SLC25A13: variants seen among roughly 807,000 people sequenced by gnomAD.
SLC25A13 encodes electrogenic aspartate/glutamate antiporter SLC25A13, mitochondrial.
A neutral mutation model predicts 85.5 loss-of-function variants in SLC25A13; 70 were observed. That is an observed-to-expected ratio of 0.82 (90% CI 0.68 to 1.00). The LOEUF (loss-of-function observed/expected upper bound fraction) is 1.00. Ranked by LOEUF, SLC25A13 falls within the 50% of genes least tolerant of loss-of-function variation. SLC25A13 has a pLI of 0.00. For missense variants in SLC25A13, 765 were observed against 819.8 expected (o/e 0.93, Z 0.82); for synonymous variants, 259 against 288.7 (o/e 0.90, Z 1.04).
intron 2 of SLC25A13, among the ~76,000 whole-genome samples, chr7:96,285,887 C>T (rs1454231852): frequency 6.6e-6 from 1 of 152,168 alleles, no homozygotes; most frequent in Non-Finnish European, 1.5e-5. Context: ...CAGAAAAACG[C>T]ATGTCGTTAA....
At chr7:96,179,796 G>A (rs1794351019) in intron 11 of SLC25A13, among the ~76,000 whole-genome samples, 1 of 152,184 alleles carries the variant, frequency 6.6e-6, no homozygotes, top group South Asian at 2.1e-4. Context: ...GTTTCAAGAT[G>A]CATGTGTTCT....
At chr7:96,283,626 T>C (rs1384434330) in intron 2 of SLC25A13, 3 of 306,276 alleles carry the variant, frequency 9.8e-6, no homozygotes, top group South Asian at 6.4e-5. Flanking sequence ...AGAATCAATG[T>C]GTGTGCTGGG....
chr7:96,197,272 T>A (rs1043074077), intron 5 of SLC25A13, among the ~76,000 whole-genome samples: 2 of 152,242 alleles, frequency 1.3e-5, no homozygotes, highest in African/African-American at 2.4e-5. Flanking sequence ...CTGTTGCCTA[T>A]TTTTGTGGAA....
At chr7:96,254,545 T>C (rs1373575871) in intron 3 of SLC25A13, among the ~76,000 whole-genome samples, 4 of 152,250 alleles carry the variant, frequency 2.6e-5, no homozygotes, top group African/African-American at 9.6e-5. Context: ...TATTTGTCTC[T>C]CTTTATATAA....
chr7:96,304,274 C>T (rs1799658934), intron 1 of SLC25A13, among the ~76,000 whole-genome samples: 1 of 152,206 alleles, frequency 6.6e-6, no homozygotes, highest in African/African-American at 2.4e-5. Flanking sequence ...AACTTCATTT[C>T]ACTCAACAGT....
At chr7:96,321,614 C>T (rs1248808688) in intron 1 of SLC25A13, among the ~76,000 whole-genome samples, 1 of 152,174 alleles carries the variant, frequency 6.6e-6, no homozygotes, top group African/African-American at 2.4e-5. Flanking sequence ...CTTGCCGGCC[C>T]AGGGTGCACC....
intron 4 of SLC25A13, among the ~76,000 whole-genome samples, chr7:96,210,880 A>T (rs1309976555): frequency 6.6e-6 from 1 of 151,580 alleles, no homozygotes; most frequent in Non-Finnish European, 1.5e-5. Context: ...TAACTTAAAA[A>T]TTCCTTTCTG....
intron 15 of SLC25A13, among the ~76,000 whole-genome samples, chr7:96,128,646 G>A (rs1791834622): frequency 1.3e-5 from 2 of 151,760 alleles, no homozygotes; most frequent in Non-Finnish European, 1.5e-5. Flanking sequence ...TGCATGCGGG[G>A]CTTAAAACCT....
At chr7:96,146,466 A>G (rs1223730257) in intron 14 of SLC25A13, 90 bp downstream of exon 14, 2 of 1,541,944 alleles carry the variant, frequency 1.3e-6, no homozygotes, top group Non-Finnish European at 1.8e-6. Flanking sequence ...TAGAAATGCA[A>G]AAAAAAATGG....
At chr7:96,300,487 A>T (rs963745735) in intron 1 of SLC25A13, among the ~76,000 whole-genome samples, 1 of 152,244 alleles carries the variant, frequency 6.6e-6, no homozygotes, top group Admixed American at 6.5e-5. Context: ...TACTATTTGT[A>T]TTATTTATCC....
chr7:96,178,458 G>C (rs1025541299), intron 11 of SLC25A13, among the ~76,000 whole-genome samples: 4 of 152,098 alleles, frequency 2.6e-5, no homozygotes, highest in Non-Finnish European at 5.9e-5. Context: ...GGGCAGAGAC[G>C]AGCAGTAAAC....
intron 2 of SLC25A13, among the ~76,000 whole-genome samples, chr7:96,294,369 T>G (rs915779556): frequency 6.6e-6 from 1 of 152,190 alleles, no homozygotes; most frequent in Non-Finnish European, 1.5e-5. Flanking sequence ...ACATGGCTCA[T>G]GTATACATAT....
At chr7:96,154,803 T>G (rs1442319048) in intron 13 of SLC25A13, among the ~76,000 whole-genome samples, 1 of 148,052 alleles carries the variant, frequency 6.8e-6, no homozygotes. Flanking sequence ...ATCTTTTTCT[T>G]TTTTTTTTTT....
At chr7:96,121,417 GTTTGT>G (rs919314102) in intron 17 of SLC25A13, 40 bp from the exon 18 acceptor site, 43 of 1,607,932 alleles carry the variant, frequency 2.7e-5, no homozygotes, top group African/African-American at 1.5e-4. Flanking sequence ...TGTATTTTTT[GTTTGT>G]TTTAACTTGA....
intron 2 of SLC25A13, 89 bp from the exon 3 acceptor site, chr7:96,277,427 A>G: frequency 8.3e-7 from 1 of 1,208,578 alleles, no homozygotes; most frequent in Non-Finnish European, 1.2e-6. Flanking sequence ...AGTTGAAAAT[A>G]TCCAAACGAT....
intron 1 of SLC25A13, among the ~76,000 whole-genome samples, chr7:96,299,189 T>A (rs968982522): frequency 6.6e-6 from 1 of 152,194 alleles, no homozygotes; most frequent in African/African-American, 2.4e-5. Flanking sequence ...GAACCTCCCC[T>A]GCCCTCAATT....
chr7:96,252,736 C>T (rs765070999), intron 3 of SLC25A13, among the ~76,000 whole-genome samples: 2 of 152,006 alleles, frequency 1.3e-5, no homozygotes, highest in Admixed American at 6.6e-5. Flanking sequence ...CTTTGAAGAT[C>T]GTAACAAGGG....
intron 3 of SLC25A13, among the ~76,000 whole-genome samples, chr7:96,247,883 T>C (rs1282164878): frequency 6.6e-6 from 1 of 151,632 alleles, no homozygotes; most frequent in African/African-American, 2.4e-5. Context: ...TGAAGTACTA[T>C]ATGGTTTAGA....
chr7:96,149,260 TTTTA>T (rs1238587338), intron 13 of SLC25A13, among the ~76,000 whole-genome samples: 10 of 152,214 alleles, frequency 6.6e-5, no homozygotes, highest in African/African-American at 1.9e-4. Context: ...CACGAATAAC[TTTTA>T]TTTGTTTTAC....
Sources: allele counts gnomAD v4.1 joint callset (sites outside exome capture counted in the v4.1 genomes callset), GRCh38; gene constraint gnomAD v4.1.1; transcripts MANE v1.5; gene names NCBI Gene and HGNC (gene_info 2026-07-23, HGNC 2026-07-21).